Variants in SLC22A3 observed in about 807,000 individuals in gnomAD.
SLC22A3 encodes the protein solute carrier family 22 member 3.
Under a neutral mutation model 59.1 loss-of-function variants are expected in SLC22A3, and 51 were observed. That is an observed-to-expected ratio of 0.86 (90% CI 0.69 to 1.09). The LOEUF (loss-of-function observed/expected upper bound fraction) is 1.09, where lower values mean the gene tolerates loss of function less well. Ranked by LOEUF, SLC22A3 falls within the 50% of genes least tolerant of loss-of-function variation. The pLI is 0.00. For synonymous variants in SLC22A3, 325 were observed against 292.0 expected (o/e 1.11, Z -1.15); for missense variants, 711 against 726.3 (o/e 0.98, Z 0.24).
intron 1 of SLC22A3, among the ~76,000 whole-genome samples, chr6:160,370,561 T>C (rs1785365132): frequency 6.6e-6 from 1 of 152,216 alleles, no homozygotes; most frequent in African/African-American, 2.4e-5. Flanking sequence ...AATAAAACAA[T>C]ATGTACATTG....
intron 5 of SLC22A3, among the ~76,000 whole-genome samples, chr6:160,424,944 G>C (rs2114891124): frequency 6.6e-6 from 1 of 152,304 alleles, no homozygotes; most frequent in South Asian, 2.1e-4. Context: ...TTTGAGATCT[G>C]ATCTAGACAC....
chr6:160,399,820 T>C (rs1056966845), intron 2 of SLC22A3, among the ~76,000 whole-genome samples: 2 of 152,102 alleles, frequency 1.3e-5, no homozygotes, highest in Non-Finnish European at 2.9e-5. Context: ...AACTGAAAAA[T>C]CAATAATTCT....
At chr6:160,361,187 G>A (rs756129035) in intron 1 of SLC22A3, among the ~76,000 whole-genome samples, 24 of 152,240 alleles carry the variant, frequency 1.6e-4, no homozygotes, top group South Asian at 1.5e-3. Flanking sequence ...GTTGAGAAAA[G>A]TAATGACTCA....
At chr6:160,408,987 T>C (rs1057192531) in intron 4 of SLC22A3, 66 bp downstream of exon 4, 7 of 1,364,190 alleles carry the variant, frequency 5.1e-6, no homozygotes, top group Non-Finnish European at 7.1e-6. Flanking sequence ...CAAACAGACA[T>C]GAAAATGAAA....
intron 10 of SLC22A3, among the ~76,000 whole-genome samples, chr6:160,450,550 A>T (rs1788912430): frequency 6.6e-6 from 1 of 152,242 alleles, no homozygotes; most frequent in Non-Finnish European, 1.5e-5. Context: ...CAGCTTACAA[A>T]GATAACAGGA....
chr6:160,406,280 T>C (rs1489602332), intron 2 of SLC22A3, among the ~76,000 whole-genome samples: 3 of 152,192 alleles, frequency 2.0e-5, no homozygotes, highest in Non-Finnish European at 4.4e-5. Context: ...TTTATGGAAA[T>C]TTTTATGAAA....
At chr6:160,439,001 G>C (rs1364212659) in intron 7 of SLC22A3, among the ~76,000 whole-genome samples, 2 of 152,014 alleles carry the variant, frequency 1.3e-5, no homozygotes, top group Non-Finnish European at 2.9e-5. Context: ...AAATGTAGTA[G>C]CCTTGAGGTT....
chr6:160,431,740 A>G (rs563450380), intron 5 of SLC22A3, among the ~76,000 whole-genome samples: 1 of 152,366 alleles, frequency 6.6e-6, no homozygotes, highest in East Asian at 1.9e-4. Flanking sequence ...TTTGCTAAAA[A>G]AAAATTGCCT....
chr6:160,433,711 AAAATTTTTTT>A (rs1788239224), intron 5 of SLC22A3, among the ~76,000 whole-genome samples: 1 of 152,074 alleles, frequency 6.6e-6, no homozygotes, highest in African/African-American at 2.4e-5. Flanking sequence ...TATCTCAAAA[AAAATTTTTTT>A]AAATTTTTTT....
At chr6:160,371,403 G>T (rs954766314) in intron 1 of SLC22A3, among the ~76,000 whole-genome samples, 18 of 152,164 alleles carry the variant, frequency 1.2e-4, no homozygotes, top group Admixed American at 1.1e-3. Flanking sequence ...TCATTGTTCA[G>T]CTCCCACTTA....
rs374221686 is a variant in SLC22A3 at position 160,362,444 on chromosome 6, G to T, written c.429+13596G>T. On this transcript the variant is annotated intron_variant, in intron 1 of 10. Coordinates refer to ENST00000275300, the MANE Select transcript of SLC22A3 (RefSeq NM_021977.4). ...TGCTCTGGCAGTTTTATGGGTAGGCGCAGGCCTGCCTGAAACCAAACGCTT... is the reference window on the plus strand; with the variant it reads ...TGCTCTGGCAGTTTTATGGGTAGGCTCAGGCCTGCCTGAAACCAAACGCTT... Among the ~76,000 whole-genome samples, 5 of 152,212 alleles carry T rather than the reference G, an allele frequency of 3.3e-5. No individual in the cohort carries two copies. In the East Asian group the frequency reaches 9.6e-4, roughly 29 times the overall value.
intron 5 of SLC22A3, among the ~76,000 whole-genome samples, chr6:160,427,790 ACACT>A (rs1788016006): frequency 2.0e-5 from 3 of 152,168 alleles, no homozygotes; most frequent in South Asian, 4.1e-4. Context: ...TGTCTCATAG[ACACT>A]CAATTTGCCT....
At chr6:160,425,838 A>C (rs1456085561) in intron 5 of SLC22A3, 3 of 985,286 alleles carry the variant, frequency 3.0e-6, no homozygotes, top group Non-Finnish European at 3.6e-6. Flanking sequence ...AACACAATAT[A>C]ACATTAATGC....
intron 1 of SLC22A3, among the ~76,000 whole-genome samples, chr6:160,359,621 A>G (rs1399312325): frequency 1.3e-5 from 2 of 152,212 alleles, no homozygotes; most frequent in African/African-American, 4.8e-5. Context: ...TTAATGGTCT[A>G]CATCAAACAG....
intron 1 of SLC22A3, among the ~76,000 whole-genome samples, chr6:160,370,596 T>A (rs1249708288): frequency 6.6e-6 from 1 of 152,240 alleles, no homozygotes; most frequent in Non-Finnish European, 1.5e-5. Context: ...ATACTCTCTA[T>A]TCTAATACTT....
At chr6:160,402,625 T>C (rs1483706389) in intron 2 of SLC22A3, among the ~76,000 whole-genome samples, 1 of 151,800 alleles carries the variant, frequency 6.6e-6, no homozygotes, top group Non-Finnish European at 1.5e-5. Flanking sequence ...CATGCAATAT[T>C]CAAGATAAAT....
chr6:160,437,278 T>C (rs1788379573), intron 7 of SLC22A3, 67 bp downstream of exon 7: 5 of 1,468,512 alleles, frequency 3.4e-6, no homozygotes, highest in Non-Finnish European at 4.8e-6. Context: ...CAATCAAGTA[T>C]AGGGAGCCAC....
chr6:160,406,790 G>A (rs1313217691), intron 2 of SLC22A3, among the ~76,000 whole-genome samples: 1 of 152,174 alleles, frequency 6.6e-6, no homozygotes, highest in African/African-American at 2.4e-5. Context: ...GAGACTCTGT[G>A]TGAAACAATA....
intron 5 of SLC22A3, among the ~76,000 whole-genome samples, chr6:160,413,326 G>A (rs1787333430): frequency 6.6e-6 from 1 of 152,236 alleles, no homozygotes; most frequent in Admixed American, 6.5e-5. Flanking sequence ...CTGTGCTTAT[G>A]AGAGATCATG....
Sources: gnomAD v4.1 joint callset for allele counts (sites outside exome capture counted in the v4.1 genomes callset) on GRCh38, gnomAD v4.1.1 for gene constraint, MANE v1.5 for transcripts, NCBI Gene and HGNC (gene_info 2026-07-23, HGNC 2026-07-21) for gene names.